PASK: variants seen among roughly 807,000 people sequenced by gnomAD.
The protein encoded by PASK is PAS domain-containing serine/threonine-protein kinase.
A neutral mutation model predicts 121.0 loss-of-function variants in PASK; 110 were observed. That is an observed-to-expected ratio of 0.91 (90% CI 0.78 to 1.06). PASK has a LOEUF of 1.06. Among genes scored for constraint, PASK ranks in the 50% least tolerant of loss-of-function variants. The probability of loss-of-function intolerance (pLI) is 0.00; values close to 1 mark genes in which losing one functional copy is unlikely to be tolerated. For synonymous variants in PASK, 686 were observed against 717.8 expected, an observed-to-expected ratio of 0.96 and a Z score of 0.71; for missense variants, 1,643 against 1,702.3, an observed-to-expected ratio of 0.97 and a Z score of 0.61.
chr2:241,142,934 G>C lies in PASK; in HGVS notation c.99C>G (p.Thr33=), dbSNP rs145347607. The C allele has an allele frequency of 1.5e-5, 25 of 1,613,284 alleles. No individual in the cohort carries two copies. The highest frequency in any genetic ancestry group is 2.7e-5 in the African/African-American group (2 of 74,894). ...AAAACGACCTGCTGGGCTCAGCAGT[G>C]GTCTGTGCAGCTGGGCCCTCTGCTG... ...PVSAEGPAAQ[T]TAEPSRSFSS... The change falls in exon 2 of 18, where the codon ACC becomes ACG. Residue 33 remains threonine (T), a synonymous_variant. Coordinates refer to ENST00000234040, the MANE Select transcript of PASK (RefSeq NM_015148.4).
Position 241,125,427 on chromosome 2 carries a change from C to T in PASK, c.2719+769G>A, listed in dbSNP as rs558829827. ...CATCCTGGCTAACACAGTGAAATCC[C>T]GTCTCTACTAAAAATAGAAAAAATT... On this transcript the variant is annotated intron_variant, in intron 10 of 17. Transcript: ENST00000234040. Among the ~76,000 whole-genome samples the T allele has an allele frequency of 1.5e-3, 229 of 151,206 alleles. 1 individual carries two copies. Among genetic ancestry groups the T allele is most frequent in the African/African-American group, 5.1e-3 (209 of 41,142 alleles).
intron 12 of PASK, among the ~76,000 whole-genome samples, chr2:241,116,407 G>C (rs913142052): frequency 7.2e-5 from 11 of 152,258 alleles, no homozygotes; most frequent in African/African-American, 2.7e-4. Context: ...GTGGAGCTGA[G>C]GGAGCCATAA....
rs747289162 is a variant in PASK at position 241,115,285 on chromosome 2, C to G, written c.3198+3G>C. 7 of 1,613,926 alleles carry G rather than the reference C, an allele frequency of 4.3e-6. No homozygotes were observed. Among genetic ancestry groups the G allele is most frequent in the Non-Finnish European group, 5.9e-6 (7 of 1,179,966 alleles). The stretch of plus-strand genomic sequence containing the variant: ...AGGGTATCTCTGAAGAGGAAACCAT[C>G]ACCTTGATGATATTGGCGTGCTCCA... On this transcript the variant is annotated splice_donor_region_variant and intron_variant, in intron 13 of 17. Transcript: ENST00000234040.
Position 241,108,064 on chromosome 2 carries a change from T to A in PASK, c.3667+103A>T, listed in dbSNP as rs1165381941. 1.4e-5 allele frequency: 15 copies of A among 1,055,316 alleles called. No individual in the cohort carries two copies. The highest frequency in any genetic ancestry group is 2.1e-5 in the Non-Finnish European group (14 of 673,270). The allele number at this position is 1,055,316 out of a possible 1,614,324, so 65.4% of individuals were successfully genotyped here. On this transcript the variant is annotated intron_variant, in intron 16 of 17. Transcript: ENST00000234040. The surrounding 1 kb of genome is among the most constrained non-coding windows in gnomAD (Gnocchi z 5.2). ...AATAGAAAAGAAACAAATGAGACTG[T>A]TGATATGGACAGAGATACACTGAGG...
At position 241,112,219 on chromosome 2, in the gene PASK, G is replaced by A. The variant is rs192928914; in HGVS notation, c.3533+21C>T. On this transcript the variant is annotated intron_variant, in intron 15 of 17. Coordinates refer to ENST00000234040, the MANE Select transcript of PASK (RefSeq NM_015148.4). The surrounding 1 kb of genome is among the most constrained non-coding windows in gnomAD (Gnocchi z 5.2). ...CTGACAGAGGACACGAGGACGGGCC[G>A]CACCGCAGCCGCATACGTACGGATT... 3,738 of 1,591,910 alleles carry A rather than the reference G, an allele frequency of 2.3e-3. 46 individuals carry two copies. The highest frequency in any genetic ancestry group is 2.5e-3 in the South Asian group (225 of 90,674).
chr2:241,138,696 C>A lies in PASK; in HGVS notation c.699G>T (p.Glu233Asp). 2.5e-6 allele frequency: 4 copies of A among 1,614,164 alleles called. No individual in the cohort carries two copies. The highest frequency in any genetic ancestry group is 3.4e-6 in the Non-Finnish European group (4 of 1,180,042). The change falls in exon 5 of 18, where the codon GAG (glutamate) becomes GAT (aspartate). Residue 233 changes from glutamate to aspartate, a missense_variant. Physicochemically the swap from Glu to Asp is conservative, Grantham distance 45. Around this residue, in one of 3 missense-constraint regions of PASK, gnomAD observed 1,176 missense variants for 1,162.2 expected, o/e 1.01. Transcript: ENST00000234040. Reference sequence around the variant, plus strand: ...CCCAGGTCGAGACCCTCTCCACGGGCTCCAGGACCACCACGCAGCATAGGC... The same window carrying A: ...CCCAGGTCGAGACCCTCTCCACGGGATCCAGGACCACCACGCAGCATAGGC... ...ERRLCCVVVL[E>D]PVERVSTWVA...
intron 1 of PASK, among the ~76,000 whole-genome samples, chr2:241,144,854 T>C (rs942370355): frequency 2.6e-5 from 4 of 152,240 alleles, no homozygotes; most frequent in Admixed American, 2.6e-4. Flanking sequence ...TTTGGTGTTC[T>C]TGACCTGCAG....
intron 12 of PASK, among the ~76,000 whole-genome samples, chr2:241,118,016 A>G (rs1163127103): frequency 6.6e-6 from 1 of 152,200 alleles, no homozygotes; most frequent in African/African-American, 2.4e-5. Flanking sequence ...AAAGATCTAA[A>G]TGAATAGAAA....
At chr2:241,141,746 T>C (rs1480171642) in intron 2 of PASK, among the ~76,000 whole-genome samples, 3 of 151,850 alleles carry the variant, frequency 2.0e-5, no homozygotes, top group African/African-American at 7.3e-5. Flanking sequence ...ACCTGACCCT[T>C]CCATTTCTCT....
intron 15 of PASK, among the ~76,000 whole-genome samples, chr2:241,110,552 G>A (rs1207863511): frequency 6.6e-6 from 1 of 152,194 alleles, no homozygotes; most frequent in Non-Finnish European, 1.5e-5. Flanking sequence ...GCAGAGCCCT[G>A]GCAGGGCAGG....
At chr2:241,117,600 A>C (rs1217254117) in intron 12 of PASK, among the ~76,000 whole-genome samples, 1 of 152,264 alleles carries the variant, frequency 6.6e-6, no homozygotes, top group East Asian at 1.9e-4. Flanking sequence ...ATCAAGCAAG[A>C]ATAAAGAAAA....
rs750513847 is a variant in PASK at position 241,133,011 on chromosome 2, C to T, written c.1326G>A (p.Val442=). 3.8e-5 allele frequency: 61 copies of T among 1,614,066 alleles called. No individual in the cohort carries two copies. Among genetic ancestry groups the T allele is most frequent in the Non-Finnish European group, 4.7e-5 (55 of 1,180,040 alleles). Residue 442 remains valine, a synonymous_variant, in exon 9 of 18, where the codon GTG becomes GTA. Transcript: ENST00000234040. The part of the protein sequence containing the change: ...EGGQDPRINV[V]LAGGHVVPRD... ...GGGGCACAACGTGGCCACCAGCAAG[C>T]ACGACATTAATCCTTGGATCTGGCA...
At chr2:241,134,619 T>C (rs1304412300) in intron 8 of PASK, 3 of 152,154 alleles carry the variant, frequency 2.0e-5, no homozygotes, top group African/African-American at 7.2e-5. Flanking sequence ...CTGTATTAAA[T>C]CCACTTTCGC....
chr2:241,138,745 A>C lies in PASK; in HGVS notation c.650T>G (p.Met217Arg), dbSNP rs565024984. ...SGEKIPVSVW[M>R]KRMRQERRLC... Reference sequence around the variant, plus strand: ...GCGGCGCTCCTGCCGCATCCTCTTCATCCACACAGACACTGGAATCTTCTC... The same window carrying C: ...GCGGCGCTCCTGCCGCATCCTCTTCCTCCACACAGACACTGGAATCTTCTC... Residue 217 changes from methionine to arginine, a missense_variant, in exon 5 of 18, where the codon ATG becomes AGG. Around this residue, in one of 3 missense-constraint regions of PASK, gnomAD observed 1,176 missense variants for 1,162.2 expected, o/e 1.01. Transcript: ENST00000234040. The C allele has an allele frequency of 6.2e-6, 10 of 1,614,118 alleles. No individual in the cohort carries two copies. In the South Asian group the frequency reaches 1.1e-4, roughly 18 times the overall value.
chr2:241,112,395 G>A lies in PASK; in HGVS notation c.3378C>T (p.His1126=), dbSNP rs1431695689. Residue 1126 remains histidine, a synonymous_variant, in exon 15 of 18, where the codon CAC becomes CAT. Transcript: ENST00000234040. This position sits in a 1 kb window ranked among gnomAD's most constrained non-coding sequence, Gnocchi z 5.2. ...VGYLRLKDII[H]RDIKDENIVI... ...CGATGTTCTCATCCTTGATGTCACG[G>A]TGGATGATGTCCTTCAAGCGCAGGT... is the stretch of plus-strand genomic sequence containing the variant. The A allele has an allele frequency of 9.3e-6, 15 of 1,613,682 alleles. No individual in the cohort carries two copies. Among genetic ancestry groups the A allele is most frequent in the Non-Finnish European group, 1.3e-5 (15 of 1,179,768 alleles).
intron 9 of PASK, among the ~76,000 whole-genome samples, chr2:241,131,053 A>G (rs1213913774): frequency 6.6e-6 from 1 of 150,874 alleles, no homozygotes; most frequent in Non-Finnish European, 1.5e-5. Context: ...TGGGGGAAAG[A>G]GTAGGATTGG....
At position 241,115,177 on chromosome 2, in the gene PASK, C is replaced by A. The variant is rs948379366; in HGVS notation, c.3199G>T (p.Val1067Leu). The change falls in exon 14 of 18, where the codon GTA becomes TTA. Residue 1067 changes from valine to leucine, a missense_variant and splice_region_variant. Coordinates refer to ENST00000234040, the MANE Select transcript of PASK (RefSeq NM_015148.4). ...SRVEHANIIK[V>L]LDIFENQGFF... is the part of the protein sequence containing the mutation. ...CCTTGGTTTTCAAATATATCCAATA[C>A]CTAGGAAGAGACAAAGCCAAGTCCA... 1 of 1,614,034 alleles carries A rather than the reference C, an allele frequency of 6.2e-7. No homozygotes were observed. Among genetic ancestry groups the A allele is most frequent in the Non-Finnish European group, 8.5e-7 (1 of 1,179,972 alleles).
rs549111689 is a variant in PASK at position 241,143,793 on chromosome 2, C to T, written c.-42-719G>A. 5.3e-5 allele frequency among the ~76,000 whole-genome samples: 8 copies of T among 152,322 alleles called. No homozygotes were observed. The South Asian group carries it at 1.2e-3, about 24-fold the overall frequency. ...CCCTAAACAGTGAGTCCTGACCATCCGACCAGCTGTGCACAGAATCACCTG... is the reference window on the plus strand; with the variant it reads ...CCCTAAACAGTGAGTCCTGACCATCTGACCAGCTGTGCACAGAATCACCTG... On this transcript the variant is annotated intron_variant, in intron 1 of 17. Coordinates refer to ENST00000234040, the MANE Select transcript of PASK (RefSeq NM_015148.4).
At chr2:241,126,089 A>G in intron 10 of PASK, 107 bp downstream of exon 10, 2 of 934,250 alleles carry the variant, frequency 2.1e-6, no homozygotes, top group Non-Finnish European at 3.4e-6. Flanking sequence ...TGCTAACACT[A>G]TTCCAGGGTG....
Sources: allele counts gnomAD v4.1 joint callset (sites outside exome capture counted in the v4.1 genomes callset), GRCh38; gene constraint gnomAD v4.1.1; regional missense constraint gnomAD v4.1.1; non-coding constraint Gnocchi (gnomAD v3.1); transcripts MANE v1.5; gene names NCBI Gene and HGNC (gene_info 2026-07-23, HGNC 2026-07-21).